ABCA12: variants seen among roughly 807,000 people sequenced by gnomAD.
ABCA12 encodes the protein glucosylceramide transporter ABCA12.
A neutral mutation model predicts 293.5 loss-of-function variants in ABCA12; 156 were observed. The observed-to-expected ratio is 0.53, with a 90% CI of 0.47 to 0.61. The LOEUF (loss-of-function observed/expected upper bound fraction) is 0.61. Among genes scored for constraint, ABCA12 ranks in the 20% least tolerant of loss-of-function variants. The pLI, the probability that ABCA12 is intolerant of heterozygous loss-of-function variation, is 0.00. For missense variants in ABCA12, 2,797 were observed against 3,090.2 expected (o/e 0.91, Z 2.25); for synonymous variants, 1,063 against 1,108.0 (o/e 0.96, Z 0.81).
chr2:215,112,487 TTTTTTTTTTGTTTTTTTTTG>T (rs753853589), intron 1 of ABCA12, among the ~76,000 whole-genome samples: 1 of 107,056 alleles, frequency 9.3e-6, no homozygotes, highest in African/African-American at 6.4e-5. Flanking sequence ...GTTTTTTTTG[TTTTTTTTTTGTTTTTTTTTG>T]TTTTTTTTTG....
intron 44 of ABCA12, among the ~76,000 whole-genome samples, chr2:214,951,862 A>T (rs187158389): frequency 1.3e-5 from 2 of 152,342 alleles, no homozygotes; most frequent in Admixed American, 1.3e-4. Context: ...TGCATAATAC[A>T]GTATTGTTAA....
rs2105917488 is a variant in ABCA12, at chr2:214,942,956, A to G, written c.7405T>C (p.Cys2469Arg). 1 of 1,613,570 alleles carries G rather than the reference A, an allele frequency of 6.2e-7. No homozygotes were observed. The highest frequency in any genetic ancestry group is 8.5e-7 in the Non-Finnish European group (1 of 1,179,788). ...LAIMVNGKFQ[C>R]IGSLQHIKSR... ...TTTATGTGCTGCAAAGATCCAATAC[A>G]TTGAAACTTTCCATTCACCATAATG... Residue 2469 changes from cysteine (C) to arginine (R), a missense_variant, in exon 50 of 53, where the codon TGT becomes CGT. By Grantham distance (180) the Cys-to-Arg change is radical. Around this residue, in one of 3 missense-constraint regions of ABCA12, gnomAD observed 2,130 missense variants for 2,427.0 expected, o/e 0.88. Transcript: ENST00000272895.
In ABCA12 at chr2:215,125,512, G is replaced by A. The variant is rs116304777; in HGVS notation, c.69+12628C>T. Among the ~76,000 whole-genome samples the A allele has an allele frequency of 3.9e-3, 595 of 152,040 alleles. 4 individuals carry two copies. The highest frequency in any genetic ancestry group is 0.013 in the African/African-American group (558 of 41,498). ...CTAGTTTTCCTTGCAGAGGGCTTTC[G>A]AGTCCTTTGTTAGGTATATTCCTAA... On this transcript the variant is annotated intron_variant, in intron 1 of 52. Transcript: ENST00000272895.
intron 50 of ABCA12, among the ~76,000 whole-genome samples, chr2:214,940,639 TA>T: frequency 6.6e-6 from 1 of 152,226 alleles, no homozygotes; most frequent in Non-Finnish European, 1.5e-5. Context: ...AGTGCCTCAA[TA>T]TCAGAACTTG....
intron 23 of ABCA12, among the ~76,000 whole-genome samples, chr2:214,997,266 A>G (rs1700055652): frequency 6.6e-6 from 1 of 152,206 alleles, no homozygotes; most frequent in Non-Finnish European, 1.5e-5. Flanking sequence ...TGAGAGCCGA[A>G]ATATGCCATA....
chr2:214,982,105 C>T (rs990055972), intron 30 of ABCA12, 82 bp downstream of exon 30: 7 of 1,459,682 alleles, frequency 4.8e-6, no homozygotes, highest in African/African-American at 4.2e-5. Flanking sequence ...AGCCACTGCA[C>T]CCAGCCTCAG....
chr2:215,134,124 C>A (rs1189223410), intron 1 of ABCA12, among the ~76,000 whole-genome samples: 1 of 151,752 alleles, frequency 6.6e-6, no homozygotes, highest in Non-Finnish European at 1.5e-5. Context: ...ATTAAAGATT[C>A]CCTTTTTTAT....
chr2:215,090,485 G>C (rs1277911225), intron 2 of ABCA12, among the ~76,000 whole-genome samples: 1 of 152,004 alleles, frequency 6.6e-6, no homozygotes, highest in Non-Finnish European at 1.5e-5. Flanking sequence ...AACCTCTCTT[G>C]CTATCCCTCC....
At chr2:215,111,794 C>A in intron 1 of ABCA12, 104 bp from the exon 2 acceptor site, 1 of 826,974 alleles carries the variant, frequency 1.2e-6, no homozygotes, top group Non-Finnish European at 2.0e-6. Context: ...TCAACACAAG[C>A]TGAATATTTG....
intron 39 of ABCA12, among the ~76,000 whole-genome samples, chr2:214,963,855 G>A (rs767236130): frequency 2.1e-5 from 3 of 146,018 alleles, no homozygotes; most frequent in African/African-American, 7.6e-5. Context: ...GGGAGGCAGA[G>A]GTTGTGGTGA....
intron 23 of ABCA12, among the ~76,000 whole-genome samples, chr2:214,996,399 A>G (rs548500016): frequency 2.0e-5 from 3 of 152,230 alleles, no homozygotes; most frequent in African/African-American, 7.2e-5. Context: ...ATTAATTTTG[A>G]AGTAGAAATG....
rs1427241755 is a variant in ABCA12 at position 214,991,128 on chromosome 2, T to C, written c.3295-97A>G. The C allele has an allele frequency of 6.3e-6, 7 of 1,105,092 alleles. No individual in the cohort carries two copies. In the East Asian group the frequency reaches 1.7e-4, roughly 27 times the overall value. 68.5% of individuals were successfully genotyped at this position (1,105,092 alleles called of 1,614,324 possible). A position where few individuals can be genotyped will look rare whatever the true frequency, so the allele number is the denominator to read the frequency against. On this transcript the variant is annotated intron_variant, in intron 23 of 52. Transcript: ENST00000272895. The stretch of plus-strand genomic sequence containing the variant: ...TGTCAAAATGTCATGATAGTCTCTC[T>C]GTATATGGAACTAGGCATTTTAATA...
rs114258385 is a variant in ABCA12 at position 214,970,346 on chromosome 2, C to T, written c.5617G>A (p.Val1873Ile). ...PPHRRTYSSQ[V>I]IYNLTGQRVE... The stretch of plus-strand genomic sequence containing the variant: ...CGTTGCCCAGTGAGGTTATAAATTA[C>T]CTGGGATGAGTAAGTTCTTCTGTGC... The change falls in exon 37 of 53, where the codon GTA (valine) becomes ATA (isoleucine). Residue 1873 changes from valine (V) to isoleucine (I), a missense_variant. By Grantham distance (29) the Val-to-Ile change is conservative. This residue lies in a region of ABCA12 where 2,130 missense variants were observed against 2,427.0 expected (regional missense o/e 0.88). Transcript: ENST00000272895. The T allele has an allele frequency of 1.3e-3, 2,157 of 1,612,944 alleles. 26 individuals carry two copies. The African/African-American group carries it at 0.025, about 19-fold the overall frequency.
At chr2:214,942,117 G>A (rs562788764) in intron 50 of ABCA12, among the ~76,000 whole-genome samples, 1 of 152,108 alleles carries the variant, frequency 6.6e-6, no homozygotes, top group Non-Finnish European at 1.5e-5. Flanking sequence ...GCAAGGTCTT[G>A]ATAAGCAGGT....
rs767336734 is a variant in ABCA12 at position 215,138,152 on chromosome 2, T to C, written c.57A>G (p.Val19=). The change falls in exon 1 of 53, where the codon GTA becomes GTG. Residue 19 remains valine, a synonymous_variant. Coordinates refer to ENST00000272895, the MANE Select transcript of ABCA12 (RefSeq NM_173076.3). ...QILVWKNWLG[V]KRQPLWTLVL... ...TTTTTTAACTCACCGGCTGCCTTTTTACACCTAGCCAATTTTTCCAGACCA... is the reference window on the plus strand; with the variant it reads ...TTTTTTAACTCACCGGCTGCCTTTTCACACCTAGCCAATTTTTCCAGACCA... 8.7e-6 allele frequency: 14 copies of C among 1,614,018 alleles called. No individual in the cohort carries two copies. The highest frequency in any genetic ancestry group is 1.0e-5 in the Non-Finnish European group (12 of 1,180,026).
chr2:215,089,074 A>G (rs1702091289), intron 2 of ABCA12, among the ~76,000 whole-genome samples: 1 of 152,154 alleles, frequency 6.6e-6, no homozygotes, highest in African/African-American at 2.4e-5. Flanking sequence ...AAAGGATAAA[A>G]TTGTGGTCAG....
chr2:215,007,600 C>T (rs762392377), intron 19 of ABCA12, 127 bp downstream of exon 19: 5 of 1,263,848 alleles, frequency 4.0e-6, no homozygotes, highest in Non-Finnish European at 5.7e-6. Context: ...GACCTTCTCT[C>T]TGGAAGAGAG....
At chr2:215,044,140 T>C (rs1038243532) in intron 7 of ABCA12, among the ~76,000 whole-genome samples, 33 of 152,124 alleles carry the variant, frequency 2.2e-4, no homozygotes, top group African/African-American at 8.0e-4. Flanking sequence ...CAAGTCTTCA[T>C]ATAGGTGTAT....
chr2:215,083,997 A>G (rs1157785568), intron 2 of ABCA12, among the ~76,000 whole-genome samples: 1 of 151,922 alleles, frequency 6.6e-6, no homozygotes, highest in East Asian at 1.9e-4. Context: ...TTTTTTTTTG[A>G]GACAGGGTCT....
Sources: gnomAD v4.1 joint callset for allele counts (sites outside exome capture counted in the v4.1 genomes callset) on GRCh38, gnomAD v4.1.1 for gene constraint, gnomAD v4.1.1 regional missense constraint, MANE v1.5 for transcripts, NCBI Gene and HGNC (gene_info 2026-07-23, HGNC 2026-07-21) for gene names.